Variants in TMBIM4 observed in about 807,000 individuals in gnomAD.
TMBIM4 encodes transmembrane BAX inhibitor motif containing 4, also known as protein lifeguard 4.
A neutral mutation model predicts 27.7 loss-of-function variants in TMBIM4; 28 were observed. The ratio of observed to expected loss-of-function variants is 1.01; its 90% CI spans 0.75 to 1.38. The LOEUF is 1.38. Ranked by LOEUF, TMBIM4 falls within the 40% of genes most tolerant of loss-of-function variation. TMBIM4 has a pLI of 0.00. For synonymous variants in TMBIM4, 115 were observed against 113.1 expected, an observed-to-expected ratio of 1.02 and a Z score of -0.11; for missense variants, 265 against 277.5, an observed-to-expected ratio of 0.95 and a Z score of 0.32.
chr12:66,167,846 A>G (rs1218614158), intron 1 of TMBIM4, among the ~76,000 whole-genome samples: 1 of 152,258 alleles, frequency 6.6e-6, no homozygotes, highest in Admixed American at 6.5e-5. Flanking sequence ...GTCAAGAGGT[A>G]GAAGCAACAC....
At chr12:66,165,189 T>G (rs1472306318) in intron 1 of TMBIM4, among the ~76,000 whole-genome samples, 1 of 152,116 alleles carries the variant, frequency 6.6e-6, no homozygotes, top group East Asian at 1.9e-4. Context: ...ATGGCATCTT[T>G]CACAGAAATA....
Position 66,137,748 on chromosome 12 carries a change from G to A in TMBIM4, c.*212C>T. 1 of 502,092 alleles carries A rather than the reference G, an allele frequency of 2.0e-6. No homozygotes were observed. The allele number at this position is 502,092 out of a possible 1,614,324, so 31.1% of individuals were successfully genotyped here. ...GCTCTTAACTGAGATCCTAAATCAA[G>A]GATTTAGAAATGAGGTATCATAAAG... On this transcript the variant is annotated 3_prime_UTR_variant, in exon 7 of 7. Transcript: ENST00000358230.
At chr12:66,153,557 T>C in intron 1 of TMBIM4, 109 bp from the exon 2 acceptor site, 1 of 541,590 alleles carries the variant, frequency 1.8e-6, no homozygotes, top group Non-Finnish European at 3.2e-6. Flanking sequence ...TCTTTCCTAA[T>C]TTTCCTCCTA....
At position 66,138,014 on chromosome 12, in the gene TMBIM4, G is replaced by T; in HGVS notation, c.663C>A (p.Ile221=). The T allele has an allele frequency of 6.2e-7, 1 of 1,614,014 alleles. No homozygotes were observed. The highest frequency in any genetic ancestry group is 8.5e-7 in the Non-Finnish European group (1 of 1,180,010). ...VLAAISLYLD[I]INLFLHLLRF... The stretch of plus-strand genomic sequence containing the variant: ...GTAACAGGTGCAGGAATAGATTGAT[G>T]ATATCCAAGTAGAGGCTGATGGCAG... Residue 221 remains isoleucine, a synonymous_variant, in exon 7 of 7, where the codon ATC becomes ATA. Coordinates refer to ENST00000358230, the MANE Select transcript of TMBIM4 (RefSeq NM_016056.4).
At chr12:66,148,661 C>T (rs1484062189) in intron 3 of TMBIM4, among the ~76,000 whole-genome samples, 3 of 152,180 alleles carry the variant, frequency 2.0e-5, no homozygotes, top group Non-Finnish European at 2.9e-5. Context: ...CTAGGAATGC[C>T]TGGACCTTAG....
intron 3 of TMBIM4, among the ~76,000 whole-genome samples, chr12:66,149,015 A>G (rs1023654950): frequency 6.6e-6 from 1 of 152,202 alleles, no homozygotes; most frequent in Non-Finnish European, 1.5e-5. Context: ...ACCCTACCTG[A>G]TATCAGGAAA....
chr12:66,155,268 T>C (rs1177340340), intron 1 of TMBIM4, among the ~76,000 whole-genome samples: 1 of 151,530 alleles, frequency 6.6e-6, no homozygotes, highest in Non-Finnish European at 1.5e-5. Context: ...AGCCATCCTC[T>C]AGACTCAGCC....
At chr12:66,156,845 C>A (rs1273711754) in intron 1 of TMBIM4, among the ~76,000 whole-genome samples, 1 of 152,078 alleles carries the variant, frequency 6.6e-6, no homozygotes, top group Non-Finnish European at 1.5e-5. Flanking sequence ...TATGGTAAGT[C>A]ACAGTTCTTT....
intron 3 of TMBIM4, 98 bp downstream of exon 3, chr12:66,152,172 AT>A: frequency 1.8e-6 from 1 of 548,376 alleles, no homozygotes; most frequent in Non-Finnish European, 2.9e-6. Flanking sequence ...AAAAAAACTC[AT>A]TAATTTTGTT....
chr12:66,144,458 A>G (rs1283713817), intron 5 of TMBIM4, among the ~76,000 whole-genome samples: 4 of 152,168 alleles, frequency 2.6e-5, no homozygotes, highest in Non-Finnish European at 5.9e-5. Flanking sequence ...TCATCAATGC[A>G]CTAAGCAGGG....
In TMBIM4 at chr12:66,138,081, T is replaced by C. The variant is rs2051606886; in HGVS notation, c.596A>G (p.His199Arg). The C allele has an allele frequency of 6.2e-7, 1 of 1,613,892 alleles. No individual in the cohort carries two copies. ...AGGTGACAGTTTATGCATCAGTGAG[T>C]GTGTGTCATAGATGATGAATCCACA... ...LFCGFIIYDT[H>R]SLMHKLSPEE... The change falls in exon 7 of 7, where the codon CAC becomes CGC. Residue 199 changes from histidine to arginine, a missense_variant. Physicochemically the swap from His to Arg is conservative, Grantham distance 29. Transcript: ENST00000358230.
chr12:66,152,289 C>T lies in TMBIM4; in HGVS notation c.294G>A (p.Leu98=). The change falls in exon 3 of 7, where the codon CTG becomes CTA. Residue 98 remains leucine, a synonymous_variant. Coordinates refer to ENST00000358230, the MANE Select transcript of TMBIM4 (RefSeq NM_016056.4). ...TACTCACAAATCCAAAAAGTAGGTA[C>T]AGGTTAAGGGGATACTTATGTCTGT... ...ILNRHKYPLN[L]YLLFGFTLLE... is the part of the protein sequence containing the mutation. 1 of 1,590,088 alleles carries T rather than the reference C, an allele frequency of 6.3e-7. No homozygotes were observed.
chr12:66,140,402 A>T (rs895156476), intron 5 of TMBIM4, among the ~76,000 whole-genome samples: 2 of 152,212 alleles, frequency 1.3e-5, no homozygotes, highest in African/African-American at 4.8e-5. Context: ...ACACTGAAGA[A>T]GATTACTAAA....
chr12:66,149,483 TG>T (rs1194374213), intron 3 of TMBIM4, among the ~76,000 whole-genome samples: 10 of 149,136 alleles, frequency 6.7e-5, no homozygotes, highest in East Asian at 5.8e-4. Flanking sequence ...GAAATTTTTT[TG>T]GGGGGGGCAG....
At chr12:66,159,634 G>A (rs2052001836) in intron 1 of TMBIM4, among the ~76,000 whole-genome samples, 1 of 152,200 alleles carries the variant, frequency 6.6e-6, no homozygotes, top group Non-Finnish European at 1.5e-5. Context: ...CAGCTAATCT[G>A]CCTGGCTAGC....
rs2051600262 is a variant in TMBIM4, at chr12:66,137,788, A to G, written c.*172T>C. 1 of 588,466 alleles carries G rather than the reference A, an allele frequency of 1.7e-6. No homozygotes were observed. Among genetic ancestry groups the G allele is most frequent in the Non-Finnish European group, 3.0e-6 (1 of 338,062 alleles). The allele number at this position is 588,466 out of a possible 1,614,324, so 36.5% of individuals were successfully genotyped here. ...GTATCATAAAGAATAGTAAGATTTT[A>G]AAGCTCTCAAAATTACATATGATAC... On this transcript the variant is annotated 3_prime_UTR_variant, in exon 7 of 7. Transcript: ENST00000358230.
chr12:66,156,231 C>G (rs555166309), intron 1 of TMBIM4, among the ~76,000 whole-genome samples: 3 of 152,276 alleles, frequency 2.0e-5, no homozygotes, highest in Admixed American at 2.0e-4. Flanking sequence ...CTGATTTCTT[C>G]CCTTCTATTT....
At chr12:66,139,920 A>C (rs898705045) in intron 5 of TMBIM4, among the ~76,000 whole-genome samples, 6 of 152,196 alleles carry the variant, frequency 3.9e-5, no homozygotes, top group Non-Finnish European at 2.9e-5. Context: ...CTGTCTCAGC[A>C]GTACCCTTAG....
intron 5 of TMBIM4, 34 bp from the exon 6 acceptor site, chr12:66,138,803 T>C (rs181318822): frequency 6.8e-7 from 1 of 1,470,360 alleles, no homozygotes; most frequent in Non-Finnish European, 9.0e-7. Flanking sequence ...TTTGCAATAT[T>C]GTTCCTTACA....
Sources: allele counts gnomAD v4.1 joint callset (sites outside exome capture counted in the v4.1 genomes callset), GRCh38; gene constraint gnomAD v4.1.1; transcripts MANE v1.5; gene names NCBI Gene and HGNC (gene_info 2026-07-23, HGNC 2026-07-21).